The following ATP2B2 variants were observed in gnomAD, a reference collection of about 807,000 sequenced individuals.
The protein encoded by ATP2B2 is plasma membrane calcium-transporting ATPase 2.
ATP2B2 carries 15 observed loss-of-function variants against 120.0 expected under a neutral mutation model. The ratio of observed to expected loss-of-function variants is 0.12; its 90% CI spans 0.08 to 0.19. ATP2B2 has a LOEUF of 0.19. Ranked by LOEUF, ATP2B2 falls within the 10% of genes least tolerant of loss-of-function variation. The probability of loss-of-function intolerance (pLI) is 1.00; values close to 1 mark genes in which losing one functional copy is unlikely to be tolerated. For missense variants in ATP2B2, 1,045 were observed against 1,719.8 expected (o/e 0.61, Z 6.94); for synonymous variants, 694 against 700.3 (o/e 0.99, Z 0.14).
At chr3:10,368,841 T>C (rs1207897632) in intron 12 of ATP2B2, among the ~76,000 whole-genome samples, 1 of 151,992 alleles carries the variant, frequency 6.6e-6, no homozygotes, top group Non-Finnish European at 1.5e-5. Context: ...CATCCCCCCT[T>C]CTCCCTACCT....
intron 1 of ATP2B2, among the ~76,000 whole-genome samples, chr3:10,620,811 C>G (rs1029753103): frequency 5.9e-5 from 9 of 152,146 alleles, no homozygotes; most frequent in African/African-American, 2.2e-4. Context: ...GGAGAGGGAG[C>G]CCATTGGTGC....
In ATP2B2 at chr3:10,402,353, A is replaced by G; in HGVS notation, c.398-5T>C. ...CACCCTGGGCCGTCGCACATCCTGA[A>G]AGACCAGATAGAAGCAGGCAGAGTG... On this transcript the variant is annotated splice_region_variant and splice_polypyrimidine_tract_variant and intron_variant, in intron 3 of 22. Transcript: ENST00000360273. The surrounding 1 kb of genome is among the most constrained non-coding windows in gnomAD (Gnocchi z 4.9). 1 of 1,612,896 alleles carries G rather than the reference A, an allele frequency of 6.2e-7. No individual in the cohort carries two copies. Among genetic ancestry groups the G allele is most frequent in the Non-Finnish European group, 8.5e-7 (1 of 1,180,024 alleles).
At chr3:10,503,087 G>A (rs998663423) in intron 1 of ATP2B2, among the ~76,000 whole-genome samples, 1 of 152,264 alleles carries the variant, frequency 6.6e-6, no homozygotes, top group East Asian at 1.9e-4. Flanking sequence ...ACCCATACCT[G>A]CGCCTGAGCT....
intron 1 of ATP2B2, among the ~76,000 whole-genome samples, chr3:10,672,243 G>A (rs976172811): frequency 6.6e-6 from 1 of 152,138 alleles, no homozygotes; most frequent in Non-Finnish European, 1.5e-5. Flanking sequence ...ACCTCCTGGC[G>A]CTCCAGCTTC....
chr3:10,549,829 A>G (rs890692564), intron 2 of ATP2B2, among the ~76,000 whole-genome samples: 1 of 152,186 alleles, frequency 6.6e-6, no homozygotes, highest in Non-Finnish European at 1.5e-5. Flanking sequence ...TGAAGAGTAC[A>G]GCACAGGGTG....
At chr3:10,668,200 T>A (rs2125688457) in intron 1 of ATP2B2, among the ~76,000 whole-genome samples, 1 of 152,378 alleles carries the variant, frequency 6.6e-6, no homozygotes, top group South Asian at 2.1e-4. Flanking sequence ...GTCAGCTCCA[T>A]GCTTCTGTGC....
intron 1 of ATP2B2, among the ~76,000 whole-genome samples, chr3:10,459,800 G>T (rs2064411024): frequency 6.6e-6 from 1 of 152,216 alleles, no homozygotes; most frequent in Non-Finnish European, 1.5e-5. Flanking sequence ...GCTTTGCACT[G>T]GTACTCCAGC....
intron 1 of ATP2B2, among the ~76,000 whole-genome samples, chr3:10,460,775 C>T (rs966885655): frequency 3.3e-5 from 5 of 152,202 alleles, no homozygotes; most frequent in Non-Finnish European, 5.9e-5. Context: ...GAAATTCCAC[C>T]ATTAGTGATT....
At chr3:10,592,356 T>C (rs2068664009) in intron 2 of ATP2B2, among the ~76,000 whole-genome samples, 1 of 152,252 alleles carries the variant, frequency 6.6e-6, no homozygotes, top group Non-Finnish European at 1.5e-5. Flanking sequence ...ATAAATAAAG[T>C]CACTCACCTA....
intron 2 of ATP2B2, among the ~76,000 whole-genome samples, chr3:10,424,238 C>T (rs2125075664): frequency 6.6e-6 from 1 of 152,292 alleles, no homozygotes; most frequent in East Asian, 1.9e-4. Context: ...CGGACTGAGG[C>T]ACAGAGAGAT....
chr3:10,353,347 G>A (rs917749966), intron 14 of ATP2B2, among the ~76,000 whole-genome samples: 3 of 152,198 alleles, frequency 2.0e-5, no homozygotes. Flanking sequence ...CTGGGGGAGG[G>A]GATGTTTGAG....
At chr3:10,630,018 C>T (rs1329908967) in intron 1 of ATP2B2, among the ~76,000 whole-genome samples, 1 of 152,208 alleles carries the variant, frequency 6.6e-6, no homozygotes, top group African/African-American at 2.4e-5. Flanking sequence ...ACAGACTGAC[C>T]TCTCACTGTC....
chr3:10,584,928 T>C (rs186589735), intron 2 of ATP2B2, among the ~76,000 whole-genome samples: 1 of 152,338 alleles, frequency 6.6e-6, no homozygotes, highest in Admixed American at 6.5e-5. Flanking sequence ...GAAGCTCTCT[T>C]AGACCCCTCT....
intron 12 of ATP2B2, among the ~76,000 whole-genome samples, chr3:10,367,108 C>A (rs1050846703): frequency 6.6e-6 from 1 of 152,150 alleles, no homozygotes; most frequent in African/African-American, 2.4e-5. Flanking sequence ...CCATTAGGGG[C>A]TTATTTGCTA....
chr3:10,587,865 C>T (rs1398325731), intron 2 of ATP2B2, among the ~76,000 whole-genome samples: 1 of 152,126 alleles, frequency 6.6e-6, no homozygotes, highest in Non-Finnish European at 1.5e-5. Flanking sequence ...AATTTGGTTG[C>T]TGTATATACT....
intron 12 of ATP2B2, among the ~76,000 whole-genome samples, chr3:10,369,306 C>A (rs934666522): frequency 6.6e-6 from 1 of 152,134 alleles, no homozygotes; most frequent in Non-Finnish European, 1.5e-5. Flanking sequence ...AAGGGGAGCC[C>A]CTGAGAGGCT....
intron 1 of ATP2B2, among the ~76,000 whole-genome samples, chr3:10,686,381 G>A (rs1018129284): frequency 2.6e-5 from 4 of 152,166 alleles, no homozygotes; most frequent in Non-Finnish European, 4.4e-5. Flanking sequence ...TTGGCTGGGC[G>A]TGGTGGCTCA....
At chr3:10,619,618 G>A (rs1429455919) in intron 2 of ATP2B2, among the ~76,000 whole-genome samples, 1 of 152,208 alleles carries the variant, frequency 6.6e-6, no homozygotes, top group Non-Finnish European at 1.5e-5. Context: ...GCGAGGACAG[G>A]GGAGGCGGTC....
chr3:10,338,348 G>C lies in ATP2B2; in HGVS notation c.3248C>G (p.Thr1083Ser), dbSNP rs370705388. Reference sequence around the variant, plus strand: ...GAACTTGAGTCTGCTGGTCGGGATGGTGGCGATGACCTGCAAGGGACCCTG... The same window carrying C: ...GAACTTGAGTCTGCTGGTCGGGATGCTGGCGATGACCTGCAAGGGACCCTG... The part of the protein sequence containing the change: ...GELVWGQVIA[T>S]IPTSRLKFLK... The change falls in exon 22 of 23, where the codon ACC becomes AGC. Residue 1083 changes from threonine (T) to serine (S), a missense_variant. Thr to Ser is a moderately conservative substitution (Grantham distance 58). Transcript: ENST00000360273. The C allele has an allele frequency of 4.3e-6, 7 of 1,614,040 alleles. No homozygotes were observed. In the African/African-American group the frequency reaches 9.3e-5, roughly 22 times the overall value.
Sources: gnomAD v4.1 joint callset for allele counts (sites outside exome capture counted in the v4.1 genomes callset) on GRCh38, gnomAD v4.1.1 for gene constraint, Gnocchi (gnomAD v3.1) non-coding constraint, MANE v1.5 for transcripts, NCBI Gene and HGNC (gene_info 2026-07-23, HGNC 2026-07-21) for gene names.